The following NR3C2 variants were observed in gnomAD, a reference collection of about 807,000 sequenced individuals.
The protein encoded by NR3C2 is nuclear receptor subfamily 3 group C member 2.
NR3C2 carries 15 observed loss-of-function variants against 86.4 expected under a neutral mutation model. The ratio of observed to expected loss-of-function variants is 0.17; its 90% confidence interval spans 0.12 to 0.27. The LOEUF (loss-of-function observed/expected upper bound fraction) is 0.27, where lower values mean the gene tolerates loss of function less well. Ranked by LOEUF, NR3C2 falls within the 10% of genes least tolerant of loss-of-function variation. NR3C2 has a pLI of 1.00. For synonymous variants in NR3C2, 458 were observed against 450.5 expected, an observed-to-expected ratio of 1.02 and a Z score of -0.21; for missense variants, 960 against 1,195.6, an observed-to-expected ratio of 0.80 and a Z score of 2.91.
intron 2 of NR3C2, among the ~76,000 whole-genome samples, chr4:148,289,862 T>C (rs890346253): frequency 1.3e-5 from 2 of 151,892 alleles, no homozygotes; most frequent in East Asian, 3.9e-4. Context: ...GTGGCTCGAG[T>C]GGCAAACAAA....
upstream of NR3C2, chr4:148,444,356 T>C: frequency 1.0e-6 from 1 of 985,254 alleles, no homozygotes; most frequent in South Asian, 4.7e-5. Context: ...CCCAGCACCC[T>C]TGCCCCAGGG....
At chr4:148,296,089 G>A (rs940828866) in intron 2 of NR3C2, among the ~76,000 whole-genome samples, 2 of 144,868 alleles carry the variant, frequency 1.4e-5, no homozygotes, top group African/African-American at 5.1e-5. Context: ...ATCAAGACAG[G>A]GCTAGGCAGA....
chr4:148,205,473 G>A (rs1422282426), intron 3 of NR3C2, among the ~76,000 whole-genome samples: 1 of 152,104 alleles, frequency 6.6e-6, no homozygotes, highest in African/African-American at 2.4e-5. Flanking sequence ...TCCTTCCAGA[G>A]GTTTTTCTAG....
chr4:148,392,677 A>G (rs1197324377), intron 2 of NR3C2, among the ~76,000 whole-genome samples: 1 of 152,226 alleles, frequency 6.6e-6, no homozygotes, highest in Non-Finnish European at 1.5e-5. Flanking sequence ...TTCTTTCTAA[A>G]AAATCTCAAA....
chr4:148,371,673 C>T (rs1003766908), intron 2 of NR3C2, among the ~76,000 whole-genome samples: 1 of 151,532 alleles, frequency 6.6e-6, no homozygotes, highest in Non-Finnish European at 1.5e-5. Context: ...GAAATAGATA[C>T]CAAATTTACA....
upstream of NR3C2, chr4:148,444,221 G>A: frequency 1.0e-6 from 1 of 955,582 alleles, no homozygotes; most frequent in Non-Finnish European, 1.2e-6. Context: ...TAAAGGAATG[G>A]ACGTGTCTCT....
intron 2 of NR3C2, among the ~76,000 whole-genome samples, chr4:148,432,526 C>A (rs1270742445): frequency 6.6e-6 from 1 of 152,106 alleles, no homozygotes; most frequent in Non-Finnish European, 1.5e-5. Flanking sequence ...GAAAAGGTCT[C>A]AGGAACCCTC....
chr4:148,221,187 C>G (rs1202695390), intron 3 of NR3C2, among the ~76,000 whole-genome samples: 4 of 152,218 alleles, frequency 2.6e-5, no homozygotes, highest in African/African-American at 9.6e-5. Context: ...ACATTTTTGT[C>G]AGAATACAGT....
At chr4:148,098,507 A>G (rs2149714936) in intron 8 of NR3C2, among the ~76,000 whole-genome samples, 1 of 152,318 alleles carries the variant, frequency 6.6e-6, no homozygotes, top group South Asian at 2.1e-4. Flanking sequence ...AGACCTCAAA[A>G]AGGATGAGTA....
At chr4:148,415,171 C>T (rs1368754967) in intron 2 of NR3C2, among the ~76,000 whole-genome samples, 2 of 151,904 alleles carry the variant, frequency 1.3e-5, no homozygotes, top group African/African-American at 4.8e-5. Context: ...AAATAATAAA[C>T]AGAAAAGAAA....
At chr4:148,097,866 C>A (rs964474590) in intron 8 of NR3C2, among the ~76,000 whole-genome samples, 1 of 151,544 alleles carries the variant, frequency 6.6e-6, no homozygotes, top group African/African-American at 2.4e-5. Flanking sequence ...ACTGGACACC[C>A]CTGGCTTAAG....
intron 2 of NR3C2, among the ~76,000 whole-genome samples, chr4:148,336,399 C>T (rs1314262152): frequency 6.6e-6 from 1 of 152,152 alleles, no homozygotes. Context: ...CATCAAACTC[C>T]AAAGGATCTC....
intron 2 of NR3C2, among the ~76,000 whole-genome samples, chr4:148,391,280 C>T (rs975505196): frequency 4.6e-5 from 7 of 152,264 alleles, no homozygotes; most frequent in South Asian, 2.1e-4. Flanking sequence ...TTCTATTTCT[C>T]ACTGTGAGTC....
chr4:148,305,540 T>TAAAAAA (rs3054606), intron 2 of NR3C2, among the ~76,000 whole-genome samples: 1 of 134,820 alleles, frequency 7.4e-6, no homozygotes, highest in African/African-American at 2.7e-5. Flanking sequence ...CATTCTTTCT[T>TAAAAAA]AAAAAAAAAA....
chr4:148,161,201 T>C (rs1427752497), intron 4 of NR3C2, among the ~76,000 whole-genome samples: 1 of 152,242 alleles, frequency 6.6e-6, no homozygotes, highest in Non-Finnish European at 1.5e-5. Context: ...TTTTAAAAAG[T>C]GTCTTCAAAT....
Position 148,184,179 on chromosome 4 carries a change from G to A in NR3C2, c.2014+10567C>T, listed in dbSNP as rs143017162. On this transcript the variant is annotated intron_variant, in intron 4 of 8. Transcript: ENST00000358102. ...AGAATGATAAGGATAGGCTGGGTGC[G>A]GTAGCTCACGCCTGTAATCCCAGCA... Among the ~76,000 whole-genome samples the A allele has an allele frequency of 8.5e-4, 130 of 152,064 alleles. 3 individuals are homozygous for A. In the East Asian group the frequency reaches 0.022, roughly 26 times the overall value.
At chr4:148,362,781 A>G (rs1745903350) in intron 2 of NR3C2, among the ~76,000 whole-genome samples, 1 of 152,186 alleles carries the variant, frequency 6.6e-6, no homozygotes, top group Non-Finnish European at 1.5e-5. Context: ...GAGAGAATCT[A>G]TAATAGGAAA....
At chr4:148,317,359 A>AAAAAAAG (rs1466597769) in intron 2 of NR3C2, among the ~76,000 whole-genome samples, 1 of 151,782 alleles carries the variant, frequency 6.6e-6, no homozygotes, top group Non-Finnish European at 1.5e-5. Context: ...CTGTCTCAAA[A>AAAAAAAG]AAAAAAAGAA....
chr4:148,436,630 G>C lies in NR3C2; in HGVS notation c.231C>G (p.Asp77Glu). The C allele has an allele frequency of 6.2e-7, 1 of 1,614,174 alleles. No individual in the cohort carries two copies. The highest frequency in any genetic ancestry group is 8.5e-7 in the Non-Finnish European group (1 of 1,180,026). The change falls in exon 2 of 9, where the codon GAC becomes GAG. Residue 77 changes from aspartate (D) to glutamate (E), a missense_variant. This residue lies in a region of NR3C2 where 680 missense variants were observed against 719.0 expected (regional missense o/e 0.95). Transcript: ENST00000358102. ...ATGTTAAAATCCCAGGCCGATTATTGTCTTGCTGAAGGCAAGGGAGTAGTT... is the reference window on the plus strand; with the variant it reads ...ATGTTAAAATCCCAGGCCGATTATTCTCTTGCTGAAGGCAAGGGAGTAGTT... ...KQELLPCLQQ[D>E]NNRPGILTSD...
Sources: allele counts gnomAD v4.1 joint callset (sites outside exome capture counted in the v4.1 genomes callset), GRCh38; gene constraint gnomAD v4.1.1; regional missense constraint gnomAD v4.1.1; transcripts MANE v1.5; gene names NCBI Gene and HGNC (gene_info 2026-07-23, HGNC 2026-07-21).